Variants in CCDC138 observed in about 807,000 individuals in gnomAD.
The protein encoded by CCDC138 is coiled-coil domain-containing protein 138.
CCDC138 carries 66 observed loss-of-function variants against 82.3 expected under a neutral mutation model. The observed-to-expected ratio is 0.80, with a 90% CI of 0.66 to 0.98. The LOEUF is 0.98. Ranked by LOEUF, CCDC138 falls within the 50% of genes least tolerant of loss-of-function variation. CCDC138 has a pLI of 0.00. For missense variants in CCDC138, 816 were observed against 758.9 expected (o/e 1.08, Z -0.88); for synonymous variants, 297 against 265.4 (o/e 1.12, Z -1.16).
chr2:108,827,733 A>G (rs529529389), intron 10 of CCDC138, among the ~76,000 whole-genome samples: 21 of 151,588 alleles, frequency 1.4e-4, no homozygotes, highest in Non-Finnish European at 2.2e-4. Context: ...GGAGAATGGC[A>G]TGAACCCAGG....
chr2:108,789,996 T>C (rs1679635834), intron 3 of CCDC138, among the ~76,000 whole-genome samples: 1 of 152,184 alleles, frequency 6.6e-6, no homozygotes, highest in African/African-American at 2.4e-5. Flanking sequence ...GAAAAAATAA[T>C]TATGCCTAAA....
chr2:108,791,631 A>G (rs746997151), intron 3 of CCDC138, 44 bp from the exon 4 acceptor site: 13 of 1,581,810 alleles, frequency 8.2e-6, no homozygotes, highest in East Asian at 4.5e-5. Context: ...TTAAAGTGCT[A>G]TAGTAAACTT....
chr2:108,872,352 C>A (rs1365568002), intron 13 of CCDC138, among the ~76,000 whole-genome samples: 1 of 152,190 alleles, frequency 6.6e-6, no homozygotes, highest in Admixed American at 6.5e-5. Context: ...ACCACATACA[C>A]ATACCTCGGT....
chr2:108,798,593 A>G lies in CCDC138; in HGVS notation c.735+7A>G, dbSNP rs1466587767. The G allele has an allele frequency of 2.9e-5, 46 of 1,572,766 alleles. No individual in the cohort carries two copies. In the Admixed American group the frequency reaches 8.0e-4, roughly 27 times the overall value. On this transcript the variant is annotated splice_region_variant and intron_variant, in intron 6 of 14. Transcript: ENST00000295124. Reference sequence around the variant, plus strand: ...ATTTCAAATTATAAAAGAGGTAACTATATAGCCTTTGATTTTAGAGTGGTA... The same window carrying G: ...ATTTCAAATTATAAAAGAGGTAACTGTATAGCCTTTGATTTTAGAGTGGTA...
At chr2:108,879,546 A>G (rs117021554), downstream of CCDC138, among the ~76,000 whole-genome samples, 725 of 152,342 alleles carry the variant, frequency 4.8e-3, 7 homozygotes, top group South Asian at 0.023. Context: ...TTAATCCATG[A>G]TTAAGTAGGG....
At chr2:108,860,920 C>G (rs1693468588) in intron 13 of CCDC138, among the ~76,000 whole-genome samples, 1 of 126,616 alleles carries the variant, frequency 7.9e-6, no homozygotes, top group Non-Finnish European at 1.6e-5. Context: ...GGCTGTGAAT[C>G]CATCTGGTCC....
intron 12 of CCDC138, among the ~76,000 whole-genome samples, chr2:108,853,992 T>TA (rs1456485176): frequency 8.1e-4 from 6 of 7,372 alleles, no homozygotes; most frequent in African/African-American, 1.1e-3. Context: ...TAATATATAA[T>TA]AAATTTATAT....
chr2:108,822,431 C>A (rs1405042890), intron 10 of CCDC138, among the ~76,000 whole-genome samples: 1 of 152,092 alleles, frequency 6.6e-6, no homozygotes, highest in Non-Finnish European at 1.5e-5. Context: ...AGGGCTTGAA[C>A]AACATAATAA....
chr2:108,847,043 T>C (rs1487713740), intron 12 of CCDC138, 113 bp downstream of exon 12: 2 of 672,668 alleles, frequency 3.0e-6, no homozygotes, highest in African/African-American at 3.6e-5. Flanking sequence ...GGTTTTGAAT[T>C]GTTTTATAAT....
chr2:108,837,171 G>C (rs1688714696), intron 10 of CCDC138, among the ~76,000 whole-genome samples: 1 of 152,084 alleles, frequency 6.6e-6, no homozygotes, highest in African/African-American at 2.4e-5. Context: ...TAATCTGTGG[G>C]CTTTTTATAT....
At chr2:108,862,459 A>G (rs1281429804) in intron 13 of CCDC138, among the ~76,000 whole-genome samples, 1 of 152,136 alleles carries the variant, frequency 6.6e-6, no homozygotes, top group Non-Finnish European at 1.5e-5. Context: ...TTGGATTTTC[A>G]GATTAGGGAT....
chr2:108,846,968 A>T, intron 12 of CCDC138, 38 bp downstream of exon 12: 1 of 1,123,936 alleles, frequency 8.9e-7, no homozygotes, highest in Non-Finnish European at 1.3e-6. Context: ...ATTTTGAGAA[A>T]CAATAGAGAA....
chr2:108,819,661 A>G (rs1254127951), intron 10 of CCDC138, among the ~76,000 whole-genome samples: 1 of 152,226 alleles, frequency 6.6e-6, no homozygotes, highest in Non-Finnish European at 1.5e-5. Context: ...GATGGTCCCA[A>G]AACCTCTAAC....
At position 108,811,247 on chromosome 2, in the gene CCDC138, C is replaced by CTTTTTTTTTTTTTTT. The variant is rs55661786; in HGVS notation, c.856-1383_856-1369dup. Among the ~76,000 whole-genome samples, 50 of 113,886 alleles carry CTTTTTTTTTTTTTTT rather than the reference C, an allele frequency of 4.4e-4. 1 individual carries two copies. The highest frequency in any genetic ancestry group is 1.7e-3 in the African/African-American group (44 of 26,254). The allele number at this position is 113,886 out of a possible 152,430, so 74.7% of individuals were successfully genotyped here. A position where few individuals can be genotyped will look rare whatever the true frequency, so the allele number is the denominator to read the frequency against. Reference sequence around the variant, plus strand: ...CTCCCTTTTCTTTCTTTCTCTCTCTCTTTTTTTTTTTTTTTGACTGTCTCC... The same window carrying CTTTTTTTTTTTTTTT: ...CTCCCTTTTCTTTCTTTCTCTCTCTCTTTTTTTTTTTTTTTTTTTTTTTTTTTTTTGACTGTCTCC... On this transcript the variant is annotated intron_variant, in intron 7 of 14. Transcript: ENST00000295124.
intron 6 of CCDC138, among the ~76,000 whole-genome samples, chr2:108,799,317 AACTT>A (rs1225796071): frequency 1.3e-5 from 2 of 152,238 alleles, no homozygotes; most frequent in African/African-American, 2.4e-5. Flanking sequence ...CTGTACATAT[AACTT>A]ACTTGGAGTA....
intron 11 of CCDC138, among the ~76,000 whole-genome samples, chr2:108,844,440 C>T (rs757976073): frequency 1.2e-4 from 18 of 152,058 alleles, no homozygotes; most frequent in Non-Finnish European, 1.8e-4. Context: ...TCTGTGTCTT[C>T]GATGAGATTT....
At chr2:108,793,617 G>T (rs1327426292) in intron 4 of CCDC138, among the ~76,000 whole-genome samples, 1 of 149,224 alleles carries the variant, frequency 6.7e-6, no homozygotes, top group Non-Finnish European at 1.5e-5. Context: ...TTTTTTTTGA[G>T]ATGGAGTCTC....
At chr2:108,871,188 A>C (rs1446605674) in intron 13 of CCDC138, among the ~76,000 whole-genome samples, 1 of 152,092 alleles carries the variant, frequency 6.6e-6, no homozygotes, top group Non-Finnish European at 1.5e-5. Context: ...ATTTAATGAA[A>C]TAGTATTCAA....
intron 12 of CCDC138, among the ~76,000 whole-genome samples, chr2:108,847,905 AG>A (rs748652198): frequency 1.1e-4 from 16 of 152,204 alleles, no homozygotes; most frequent in Non-Finnish European, 1.5e-4. Flanking sequence ...ACAATAGACT[AG>A]GTGGTTAGTG....
Sources: allele counts gnomAD v4.1 joint callset (sites outside exome capture counted in the v4.1 genomes callset), GRCh38; gene constraint gnomAD v4.1.1; transcripts MANE v1.5; gene names NCBI Gene and HGNC (gene_info 2026-07-23, HGNC 2026-07-21).